Variants in SLC25A31 observed in about 807,000 individuals in gnomAD.
SLC25A31 encodes the protein ADP/ATP translocase 4.
SLC25A31 carries 40 observed loss-of-function variants against 36.2 expected under a neutral mutation model. The observed-to-expected ratio is 1.10, with a 90% CI of 0.86 to 1.44. The LOEUF (loss-of-function observed/expected upper bound fraction) is 1.44. Among genes scored for constraint, SLC25A31 ranks in the 40% most tolerant of loss-of-function variants. The pLI, the probability that SLC25A31 is intolerant of heterozygous loss-of-function variation, is 0.00. For synonymous variants in SLC25A31, 143 were observed against 149.7 expected (o/e 0.96, Z 0.32); for missense variants, 350 against 397.1 (o/e 0.88, Z 1.01).
intron 4 of SLC25A31, among the ~76,000 whole-genome samples, chr4:127,768,110 AG>A (rs1732280362): frequency 6.6e-6 from 1 of 151,882 alleles, no homozygotes; most frequent in African/African-American, 2.4e-5. Flanking sequence ...TGCTTCCAAA[AG>A]GAAGCAATGA....
At chr4:127,760,942 G>A (rs1302995564) in intron 2 of SLC25A31, among the ~76,000 whole-genome samples, 1 of 152,134 alleles carries the variant, frequency 6.6e-6, no homozygotes, top group African/African-American at 2.4e-5. Context: ...AGCCTGGGCG[G>A]GGGGAAAACA....
At chr4:127,731,019 T>C (rs1260865198) in intron 1 of SLC25A31, among the ~76,000 whole-genome samples, 1 of 152,206 alleles carries the variant, frequency 6.6e-6, no homozygotes, top group Non-Finnish European at 1.5e-5. Flanking sequence ...TCTCTTTCTC[T>C]AAATCTGCAG....
intron 2 of SLC25A31, among the ~76,000 whole-genome samples, chr4:127,760,985 C>T (rs531959235): frequency 1.7e-5 from 2 of 120,148 alleles, no homozygotes; most frequent in Non-Finnish European, 3.8e-5. Context: ...TACTAACTTA[C>T]AACAACCAAA....
chr4:127,732,087 A>C (rs1731537605), intron 1 of SLC25A31, among the ~76,000 whole-genome samples: 1 of 152,252 alleles, frequency 6.6e-6, no homozygotes, highest in Non-Finnish European at 1.5e-5. Context: ...AGTCTATCAG[A>C]TATTTTATAT....
intron 5 of SLC25A31, among the ~76,000 whole-genome samples, chr4:127,770,949 CTTTTT>C (rs558206857): frequency 1.7e-4 from 14 of 80,828 alleles, no homozygotes; most frequent in African/African-American, 1.7e-4. Context: ...TCTTCTTCTT[CTTTTT>C]TTTTTTTTTT....
intron 2 of SLC25A31, among the ~76,000 whole-genome samples, chr4:127,747,640 A>T (rs771240747): frequency 7.2e-5 from 11 of 152,140 alleles, no homozygotes; most frequent in Non-Finnish European, 1.2e-4. Flanking sequence ...TAGTTTTATT[A>T]TGAGGTTTAG....
chr4:127,752,068 A>G (rs1045864563), intron 2 of SLC25A31, among the ~76,000 whole-genome samples: 2 of 152,140 alleles, frequency 1.3e-5, no homozygotes, highest in African/African-American at 2.4e-5. Context: ...CCCATTACTG[A>G]GTATATACCC....
Position 127,768,800 on chromosome 4 carries a change from AT to A in SLC25A31, c.684del (p.Ile228MetfsTer5). 6.2e-7 allele frequency: 1 copy of A among 1,608,384 alleles called. No individual in the cohort carries two copies. ...KKTPFLVSFF[I>X]AQVVTTCSGI... The stretch of plus-strand genomic sequence containing the variant: ...AACTCCATTTCTTGTCTCCTTTTTC[AT>A]TGCTCAAGTTGTGACTACATGCTCT... On this transcript the variant is annotated frameshift_variant, in exon 5 of 6. Transcript: ENST00000281154. LOFTEE classifies it high-confidence loss of function.
chr4:127,761,092 C>G (rs184180569), intron 2 of SLC25A31, among the ~76,000 whole-genome samples: 59 of 152,246 alleles, frequency 3.9e-4, no homozygotes, highest in African/African-American at 1.3e-3. Flanking sequence ...AATGCAGGAT[C>G]GTCACTCAGC....
chr4:127,758,258 T>C (rs1585312), intron 2 of SLC25A31, among the ~76,000 whole-genome samples: 96,095 of 152,038 alleles, frequency 0.63, 30,739 homozygotes, highest in Middle Eastern at 0.79. Flanking sequence ...TTTTTTCATA[T>C]GTTTGTTGGC....
intron 1 of SLC25A31, 24 bp downstream of exon 1, chr4:127,730,801 A>C: frequency 6.3e-7 from 1 of 1,589,698 alleles, no homozygotes. Flanking sequence ...GGCCGCCCCG[A>C]CAGCCTCTCC....
At position 127,770,642 on chromosome 4, in the gene SLC25A31, G is replaced by T. The variant is rs182010778; in HGVS notation, c.759+1765G>T. Reference sequence around the variant, plus strand: ...TCTGTCTCAAAAAAAAAAAGAAAAAGAAAATATGCACTCGAGTGTTTAAGG... The same window carrying T: ...TCTGTCTCAAAAAAAAAAAGAAAAATAAAATATGCACTCGAGTGTTTAAGG... On this transcript the variant is annotated intron_variant, in intron 5 of 5. Transcript: ENST00000281154. Among the ~76,000 whole-genome samples, 10 of 151,566 alleles carry T rather than the reference G, an allele frequency of 6.6e-5. No individual in the cohort carries two copies. In the East Asian group the frequency reaches 1.4e-3, roughly 21 times the overall value.
chr4:127,749,130 A>G (rs1422023220), intron 2 of SLC25A31, among the ~76,000 whole-genome samples: 5 of 152,090 alleles, frequency 3.3e-5, no homozygotes, highest in Non-Finnish European at 7.4e-5. Context: ...ATACAGTGAC[A>G]GAACTGAAAA....
At chr4:127,773,321 T>C (rs1338196160) in intron 5 of SLC25A31, 65 bp from the exon 6 acceptor site, 4 of 1,442,858 alleles carry the variant, frequency 2.8e-6, no homozygotes, top group Admixed American at 2.1e-5. Flanking sequence ...TTAGTGCTAA[T>C]AGAAGACTGT....
At chr4:127,754,574 C>T (rs1731996021) in intron 2 of SLC25A31, among the ~76,000 whole-genome samples, 1 of 148,994 alleles carries the variant, frequency 6.7e-6, no homozygotes, top group African/African-American at 2.5e-5. Context: ...GTAAATTTAA[C>T]CAAGGAGGTG....
intron 2 of SLC25A31, among the ~76,000 whole-genome samples, chr4:127,750,947 T>C (rs956801706): frequency 4.6e-5 from 7 of 152,134 alleles, no homozygotes; most frequent in Admixed American, 1.3e-4. Context: ...TTAAAAAACA[T>C]AGTGGTAAAG....
intron 2 of SLC25A31, among the ~76,000 whole-genome samples, chr4:127,745,802 G>C (rs1265012806): frequency 6.6e-6 from 1 of 151,998 alleles, no homozygotes; most frequent in Non-Finnish European, 1.5e-5. Flanking sequence ...AGCTACATGA[G>C]GTTTTTTTAC....
At chr4:127,733,658 CAT>C (rs1361608828) in intron 1 of SLC25A31, among the ~76,000 whole-genome samples, 1 of 152,170 alleles carries the variant, frequency 6.6e-6, no homozygotes, top group Non-Finnish European at 1.5e-5. Flanking sequence ...TATTTTAAAA[CAT>C]AAATTTCTTG....
intron 2 of SLC25A31, among the ~76,000 whole-genome samples, chr4:127,763,846 T>A (rs1268991388): frequency 6.6e-6 from 1 of 152,128 alleles, no homozygotes; most frequent in Non-Finnish European, 1.5e-5. Flanking sequence ...AGGGCACAAC[T>A]AAAGCCTCCA....
Sources: gnomAD v4.1 joint callset for allele counts (sites outside exome capture counted in the v4.1 genomes callset) on GRCh38, gnomAD v4.1.1 for gene constraint, MANE v1.5 for transcripts, NCBI Gene and HGNC (gene_info 2026-07-23, HGNC 2026-07-21) for gene names.